Variants in DGKE observed in about 807,000 individuals in gnomAD.
The protein encoded by DGKE is DAG kinase epsilon.
In DGKE, 53 loss-of-function variants were observed where a neutral mutation model predicts 70.0. That is an observed-to-expected ratio of 0.76 (90% CI 0.61 to 0.95). The LOEUF (loss-of-function observed/expected upper bound fraction) is 0.95, where lower values mean the gene tolerates loss of function less well. Ranked by LOEUF, DGKE falls within the 40% of genes least tolerant of loss-of-function variation. The pLI is 0.00. For missense variants in DGKE, 655 were observed against 706.9 expected (o/e 0.93, Z 0.83); for synonymous variants, 291 against 257.0 (o/e 1.13, Z -1.27).
chr17:56,843,293 T>A (rs1907095275), intron 2 of DGKE, among the ~76,000 whole-genome samples: 1 of 152,226 alleles, frequency 6.6e-6, no homozygotes, highest in Non-Finnish European at 1.5e-5. Flanking sequence ...TGAGGAGAGT[T>A]ACATTGTTTT....
chr17:56,861,981 T>C (rs1908322084), intron 10 of DGKE, 63 bp downstream of exon 10: 1 of 1,549,116 alleles, frequency 6.5e-7, no homozygotes, highest in African/African-American at 1.4e-5. Flanking sequence ...CTCTTGTTTA[T>C]AGACTTTAAC....
At chr17:56,849,556 CAGAG>C (rs1322111430) in intron 7 of DGKE, among the ~76,000 whole-genome samples, 3 of 152,070 alleles carry the variant, frequency 2.0e-5, no homozygotes, top group African/African-American at 7.2e-5. Flanking sequence ...GCAAATAATA[CAGAG>C]AGAGTAGATC....
rs868413320 is a variant in DGKE at position 56,847,078 on chromosome 17, A to G, written c.745-844A>G. Among the ~76,000 whole-genome samples the G allele has an allele frequency of 2.6e-5, 4 of 152,274 alleles. No homozygotes were observed. The East Asian group carries it at 7.7e-4, about 29-fold the overall frequency. On this transcript the variant is annotated intron_variant, in intron 4 of 11. Transcript: ENST00000284061. ...AAATAATGCCACAGTGAATATTTTT[A>G]TACATATTTTTAGGCATTTTTGTCT...
intron 2 of DGKE, 73 bp downstream of exon 2, chr17:56,835,332 G>A (rs1906539171): frequency 1.4e-6 from 2 of 1,444,030 alleles, no homozygotes; most frequent in Admixed American, 2.2e-5. Flanking sequence ...TGGTGTAGAG[G>A]CCTGCTTTAA....
intron 2 of DGKE, among the ~76,000 whole-genome samples, chr17:56,841,777 CT>C (rs869291648): frequency 6.6e-6 from 1 of 151,942 alleles, no homozygotes; most frequent in Non-Finnish European, 1.5e-5. Context: ...AACTAAATGT[CT>C]TTTTTAAAAA....
chr17:56,847,922 GT>G lies in DGKE; in HGVS notation c.750del (p.Phe250LeufsTer3). 2 of 1,543,888 alleles carry G rather than the reference GT, an allele frequency of 1.3e-6. No homozygotes were observed. Among genetic ancestry groups the G allele is most frequent in the Non-Finnish European group, 8.7e-7 (1 of 1,149,314 alleles). On this transcript the variant is annotated frameshift_variant and splice_region_variant, in exon 5 of 12. Coordinates refer to ENST00000284061, the MANE Select transcript of DGKE (RefSeq NM_003647.3). LOFTEE classifies it high-confidence loss of function. ...ATTTGTCTTTTTCTTTTGTTTCTAG[GT>G]TTTTGATGTAACTAAAACTCCTCCT... ...EFRILLNPVQ[V>X]FDVTKTPPIK...
intron 2 of DGKE, among the ~76,000 whole-genome samples, chr17:56,840,050 G>C (rs968427977): frequency 6.6e-6 from 1 of 152,176 alleles, no homozygotes; most frequent in Admixed American, 6.5e-5. Flanking sequence ...TGTAATCCCA[G>C]CTACTCGGGA....
chr17:56,856,550 T>C lies in DGKE; in HGVS notation c.1137T>C (p.Asp379=). ...ACAACTATTTTTCTGTTGGACCTGA[T>C]GCTCTCATGGCTCTCAATTTTCATG... ...TMNNYFSVGP[D]ALMALNFHAH... Residue 379 remains aspartate (D), a synonymous_variant, in exon 8 of 12, where the codon GAT becomes GAC. Coordinates refer to ENST00000284061, the MANE Select transcript of DGKE (RefSeq NM_003647.3). 17 of 1,613,946 alleles carry C rather than the reference T, an allele frequency of 1.1e-5. No homozygotes were observed. The highest frequency in any genetic ancestry group is 2.2e-5 in the East Asian group (1 of 44,854).
chr17:56,839,503 A>G (rs532390812), intron 2 of DGKE, among the ~76,000 whole-genome samples: 3 of 152,150 alleles, frequency 2.0e-5, no homozygotes, highest in Admixed American at 2.0e-4. Context: ...ATACTGAGTA[A>G]TTAGTAAGCA....
rs981127798 is a variant in DGKE, at chr17:56,862,375, G to C, written c.1524+124G>C. On this transcript the variant is annotated intron_variant, in intron 11 of 11. Coordinates refer to ENST00000284061, the MANE Select transcript of DGKE (RefSeq NM_003647.3). ...TTTATGGCTCATGCAGCTGGTCACT[G>C]TACACTAGCGGCTAGAGTGGGATGA... 9.0e-6 allele frequency: 9 copies of C among 995,314 alleles called. No homozygotes were observed. The African/African-American group carries it at 1.3e-4, about 14-fold the overall frequency. The allele number at this position is 995,314 out of a possible 1,614,324, so 61.7% of individuals were successfully genotyped here.
At chr17:56,836,597 C>G (rs1393430778) in intron 2 of DGKE, 1 of 152,204 alleles carries the variant, frequency 6.6e-6, no homozygotes, top group African/African-American at 2.4e-5. Context: ...AATCATGCTT[C>G]TGATCCTCCA....
In DGKE at chr17:56,864,917, TA is replaced by T. The variant is rs1190786423; in HGVS notation, c.*2129del. ...CTTATGTAAAATGCCCTCATTTATCTAAATAAGTTGATTTTTTGGTTATTGT... is the reference window on the plus strand; with the variant it reads ...CTTATGTAAAATGCCCTCATTTATCTAATAAGTTGATTTTTTGGTTATTGT... On this transcript the variant is annotated 3_prime_UTR_variant, in exon 12 of 12. Transcript: ENST00000284061. 6.6e-6 allele frequency: 1 copy of T among 152,180 alleles called. No homozygotes were observed. Among genetic ancestry groups the T allele is most frequent in the Non-Finnish European group, 1.5e-5 (1 of 68,018 alleles). 9.4% of individuals were successfully genotyped at this position (152,180 alleles called of 1,614,324 possible).
At position 56,866,753 on chromosome 17, in the gene DGKE, C is replaced by T. The variant is rs953064415; in HGVS notation, c.*3962C>T. On this transcript the variant is annotated 3_prime_UTR_variant, in exon 12 of 12. Coordinates refer to ENST00000284061, the MANE Select transcript of DGKE (RefSeq NM_003647.3). ...TGCCTTCTCACTGCAGTCAATGCAG[C>T]CACACTTGTGTATACTGAGTGCTGC... 6.6e-6 allele frequency: 1 copy of T among 152,214 alleles called. No homozygotes were observed. Among genetic ancestry groups the T allele is most frequent in the African/African-American group, 2.4e-5 (1 of 41,444 alleles). The allele number at this position is 152,214 out of a possible 1,614,324, so 9.4% of individuals were successfully genotyped here. A position where few individuals can be genotyped will look rare whatever the true frequency, so the allele number is the denominator to read the frequency against.
chr17:56,835,694 T>C (rs1337341510), intron 2 of DGKE: 1 of 222,164 alleles, frequency 4.5e-6, no homozygotes, highest in Admixed American at 5.7e-5. Flanking sequence ...TGAAAACAAG[T>C]GTCATTCCAA....
chr17:56,851,258 C>T (rs1907633232), intron 7 of DGKE, among the ~76,000 whole-genome samples: 1 of 152,162 alleles, frequency 6.6e-6, no homozygotes, highest in Admixed American at 6.5e-5. Flanking sequence ...ATCACTTCCC[C>T]TTTCCCCAAC....
chr17:56,844,431 A>G (rs1907170781), intron 3 of DGKE, among the ~76,000 whole-genome samples: 1 of 152,166 alleles, frequency 6.6e-6, no homozygotes, highest in Admixed American at 6.5e-5. Flanking sequence ...GAAATGTTAT[A>G]TTAGTGGTTT....
chr17:56,840,052 T>C (rs1906872849), intron 2 of DGKE, among the ~76,000 whole-genome samples: 1 of 151,978 alleles, frequency 6.6e-6, no homozygotes, highest in African/African-American at 2.4e-5. Context: ...TAATCCCAGC[T>C]ACTCGGGAGG....
chr17:56,840,880 A>G (rs1906936291), intron 2 of DGKE, among the ~76,000 whole-genome samples: 1 of 152,130 alleles, frequency 6.6e-6, no homozygotes, highest in African/African-American at 2.4e-5. Context: ...TAGCCTAGCT[A>G]CTCAGGAGAC....
At position 56,856,618 on chromosome 17, in the gene DGKE, T is replaced by G; in HGVS notation, c.1205T>G (p.Leu402Arg). 8.1e-6 allele frequency: 13 copies of G among 1,613,178 alleles called. No individual in the cohort carries two copies. Among genetic ancestry groups the G allele is most frequent in the Non-Finnish European group, 1.0e-5 (12 of 1,179,616 alleles). ...CCATCTCTGTTTTCTAGCAGAATTC[T>G]TAATAAGGTGTGTTGGATAAAATAA... Reference protein sequence around the residue: ...KAPSLFSSRILNKAVYLFYGT... With the variant: ...KAPSLFSSRIRNKAVYLFYGT... The change falls in exon 8 of 12, where the codon CTT becomes CGT. Residue 402 changes from leucine (L) to arginine (R), a missense_variant. Leu to Arg is a moderately radical substitution (Grantham distance 102). Transcript: ENST00000284061.
Sources: gnomAD v4.1 joint callset for allele counts (sites outside exome capture counted in the v4.1 genomes callset) on GRCh38, gnomAD v4.1.1 for gene constraint, MANE v1.5 for transcripts, NCBI Gene and HGNC (gene_info 2026-07-23, HGNC 2026-07-21) for gene names.